Variants in INPP5F observed in about 807,000 individuals in gnomAD.
INPP5F encodes phosphatidylinositide 4-phosphatase SAC2.
INPP5F carries 97 observed loss-of-function variants against 137.2 expected under a neutral mutation model. The ratio of observed to expected loss-of-function variants is 0.71; its 90% CI spans 0.60 to 0.84. The LOEUF (loss-of-function observed/expected upper bound fraction) is 0.84, where lower values mean the gene tolerates loss of function less well. INPP5F is among the 40% of genes least tolerant of loss of function. The pLI is 0.00. For synonymous variants in INPP5F, 504 were observed against 476.9 expected (o/e 1.06, Z -0.74); for missense variants, 1,271 against 1,371.9 (o/e 0.93, Z 1.16).
chr10:119,788,921 T>G (rs998013788), intron 3 of INPP5F, among the ~76,000 whole-genome samples: 1 of 152,132 alleles, frequency 6.6e-6, no homozygotes, highest in African/African-American at 2.4e-5. Flanking sequence ...CTGGCTTGAG[T>G]GCTCTTAAAG....
At chr10:119,783,989 G>A (rs1019352784) in intron 3 of INPP5F, among the ~76,000 whole-genome samples, 2 of 152,148 alleles carry the variant, frequency 1.3e-5, no homozygotes, top group Admixed American at 1.3e-4. Context: ...TAAAATTTTA[G>A]AAATTTACAC....
rs148337309 is a variant in INPP5F at position 119,805,871 on chromosome 10, G to A, written c.1319+410G>A. Reference sequence around the variant, plus strand: ...TTCTGAGTACAGGAGGTTTAAATTGGCTTAAAGGACAGAAGAGAACATTTG... The same window carrying A: ...TTCTGAGTACAGGAGGTTTAAATTGACTTAAAGGACAGAAGAGAACATTTG... On this transcript the variant is annotated intron_variant, in intron 11 of 19. Coordinates refer to ENST00000650623, the MANE Select transcript of INPP5F (RefSeq NM_014937.4). 5.0e-3 allele frequency among the ~76,000 whole-genome samples: 760 copies of A among 152,278 alleles called. 3 individuals are homozygous for A. Among genetic ancestry groups the A allele is most frequent in the Non-Finnish European group, 8.2e-3 (559 of 68,026 alleles).
Position 119,804,182 on chromosome 10 carries a change from A to AT in INPP5F, c.1126_1127insT (p.Asn376IlefsTer34). 6.2e-7 allele frequency: 1 copy of AT among 1,606,834 alleles called. No individual in the cohort carries two copies. Among genetic ancestry groups the AT allele is most frequent in the Non-Finnish European group, 8.5e-7 (1 of 1,175,876 alleles). On this transcript the variant is annotated frameshift_variant, in exon 10 of 20. Coordinates refer to ENST00000650623, the MANE Select transcript of INPP5F (RefSeq NM_014937.4). LOFTEE classifies it high-confidence loss of function. The stretch of plus-strand genomic sequence containing the variant: ...TTCTTTGCTCTTATAGGTTATTATT[A>AT]ACTTGGTAGACCAGGCAGGAAGAGA...
intron 1 of INPP5F, among the ~76,000 whole-genome samples, chr10:119,732,425 A>G (rs981628261): frequency 6.6e-6 from 1 of 151,712 alleles, no homozygotes; most frequent in East Asian, 1.9e-4. Flanking sequence ...TTTGTTGTCT[A>G]CATCATCACC....
intron 1 of INPP5F, 29 bp from the exon 2 acceptor site, chr10:119,751,047 T>A (rs768382037): frequency 2.2e-6 from 3 of 1,376,050 alleles, no homozygotes; most frequent in Middle Eastern, 1.8e-4. Flanking sequence ...GTGAATGTTT[T>A]CTCATCACTG....
chr10:119,823,954 T>C (rs61867953), intron 19 of INPP5F, 52 bp downstream of exon 19: 181 of 1,344,228 alleles, frequency 1.3e-4, no homozygotes, highest in Non-Finnish European at 1.8e-4. Flanking sequence ...CAAGGTCTTA[T>C]TTGTTTAAAA....
intron 2 of INPP5F, among the ~76,000 whole-genome samples, chr10:119,781,146 T>C (rs1233008974): frequency 6.6e-6 from 1 of 152,274 alleles, no homozygotes; most frequent in Admixed American, 6.5e-5. Flanking sequence ...CCAGTGTTTA[T>C]TGTAATTATA....
In INPP5F at chr10:119,798,536, T is replaced by G; in HGVS notation, c.1049-7T>G. 1 of 1,606,892 alleles carries G rather than the reference T, an allele frequency of 6.2e-7. No homozygotes were observed. On this transcript the variant is annotated splice_polypyrimidine_tract_variant and splice_region_variant and intron_variant, in intron 8 of 19. Transcript: ENST00000650623. Reference sequence around the variant, plus strand: ...GGAAAAAAAGATTTTGTATCACTTCTTTGTAGGTGAAAAGGAAACTGTTGC... The same window carrying G: ...GGAAAAAAAGATTTTGTATCACTTCGTTGTAGGTGAAAAGGAAACTGTTGC...
chr10:119,791,643 A>G lies in INPP5F; in HGVS notation c.442A>G (p.Lys148Glu). Residue 148 changes from lysine to glutamate, a missense_variant and splice_region_variant, in exon 4 of 20, where the codon AAA becomes GAA. Physicochemically the swap from Lys to Glu is moderately conservative, Grantham distance 56. This residue lies in a region of INPP5F where 62 missense variants were observed against 55.0 expected (regional missense o/e 1.13). Coordinates refer to ENST00000650623, the MANE Select transcript of INPP5F (RefSeq NM_014937.4). Reference protein sequence around the residue: ...KSNVSAPNKKKVKESKEKEKL... With the variant: ...KSNVSAPNKKEVKESKEKEKL... Reference sequence around the variant, plus strand: ...CAATGTGTCTGCTCCTAATAAAAAGAAAGTAAGAGTTTAATTGATATAGGC... The same window carrying G: ...CAATGTGTCTGCTCCTAATAAAAAGGAAGTAAGAGTTTAATTGATATAGGC... The G allele has an allele frequency of 6.2e-7, 1 of 1,601,272 alleles. No homozygotes were observed. Among genetic ancestry groups the G allele is most frequent in the Non-Finnish European group, 8.5e-7 (1 of 1,170,664 alleles).
intron 8 of INPP5F, among the ~76,000 whole-genome samples, 161 bp from the exon 9 acceptor site, chr10:119,798,382 G>C (rs543049904): frequency 6.6e-6 from 1 of 152,160 alleles, no homozygotes; most frequent in African/African-American, 2.4e-5. Context: ...AAAAAAATCA[G>C]ATCTTTGACT....
intron 8 of INPP5F, 65 bp downstream of exon 8, chr10:119,797,705 G>A (rs1016833016): frequency 7.9e-7 from 1 of 1,269,236 alleles, no homozygotes; most frequent in African/African-American, 1.5e-5. Context: ...TAAGAAATTA[G>A]TTACCTGTTA....
At chr10:119,726,683 G>A (rs1318167157) in intron 1 of INPP5F, among the ~76,000 whole-genome samples, 1 of 152,222 alleles carries the variant, frequency 6.6e-6, no homozygotes, top group African/African-American at 2.4e-5. Flanking sequence ...TTCCAGCAAG[G>A]TGCACCTGGC....
Position 119,827,192 on chromosome 10 carries a change from G to A in INPP5F, c.2811G>A (p.Leu937=). 1 of 1,614,048 alleles carries A rather than the reference G, an allele frequency of 6.2e-7. No individual in the cohort carries two copies. Among genetic ancestry groups the A allele is most frequent in the African/African-American group, 1.3e-5 (1 of 75,048 alleles). The change falls in exon 20 of 20, where the codon TTG becomes TTA. Residue 937 remains leucine, a synonymous_variant. Coordinates refer to ENST00000650623, the MANE Select transcript of INPP5F (RefSeq NM_014937.4). ...SGLGKGQESP[L]KKSPSAGDVH... The stretch of plus-strand genomic sequence containing the variant: ...TTGGAAAAGGCCAGGAGTCTCCTTT[G>A]AAGAAAAGTCCTTCTGCTGGCGACG...
chr10:119,806,216 G>A lies in INPP5F; in HGVS notation c.1320-144G>A. The A allele has an allele frequency of 6.3e-6, 3 of 476,332 alleles. No homozygotes were observed. The South Asian group carries it at 1.3e-4, about 21-fold the overall frequency. The allele number at this position is 476,332 out of a possible 1,614,324, so 29.5% of individuals were successfully genotyped here. ...TAAATTAACAATGATGTCTATAAAT[G>A]ACTCAATAATGCATAGCATATAAAG... On this transcript the variant is annotated intron_variant, in intron 11 of 19. Transcript: ENST00000650623.
intron 19 of INPP5F, among the ~76,000 whole-genome samples, chr10:119,824,771 A>G (rs1255957226): frequency 6.6e-6 from 1 of 152,062 alleles, no homozygotes; most frequent in African/African-American, 2.4e-5. Context: ...TCATTTTTCT[A>G]ATTTTCATTC....
intron 11 of INPP5F, among the ~76,000 whole-genome samples, chr10:119,805,916 C>T (rs529643479): frequency 1.3e-5 from 2 of 152,282 alleles, no homozygotes; most frequent in African/African-American, 4.8e-5. Context: ...TAAGACTACA[C>T]GGGTGGCCAG....
Position 119,726,066 on chromosome 10 carries a change from C to CGCCGCT in INPP5F, c.-191_-186dup, listed in dbSNP as rs1232330781. 3 of 366,794 alleles carry CGCCGCT rather than the reference C, an allele frequency of 8.2e-6. No individual in the cohort carries two copies. Among genetic ancestry groups the CGCCGCT allele is most frequent in the Non-Finnish European group, 1.5e-5 (3 of 206,806 alleles). The allele number at this position is 366,794 out of a possible 1,614,324, so 22.7% of individuals were successfully genotyped here. On this transcript the variant is annotated 5_prime_UTR_variant, in exon 1 of 20. Transcript: ENST00000650623. ...AGCGGGGGGGAGAGGCCTCTACGGC[C>CGCCGCT]GCCGCTGCCGCCGCCGCTGCCGGGG...
At chr10:119,820,591 A>ACTCCTTC (rs1851517290) in intron 15 of INPP5F, among the ~76,000 whole-genome samples, 1 of 151,284 alleles carries the variant, frequency 6.6e-6, no homozygotes, top group Non-Finnish European at 1.5e-5. Flanking sequence ...TTCCTGAGGG[A>ACTCCTTC]CTCCTTCCTC....
At chr10:119,812,656 T>C (rs558773006) in intron 15 of INPP5F, among the ~76,000 whole-genome samples, 2 of 152,338 alleles carry the variant, frequency 1.3e-5, no homozygotes, top group South Asian at 4.1e-4. Context: ...AGTATTTATG[T>C]ATTAAAAGGA....
Sources: allele counts gnomAD v4.1 joint callset (sites outside exome capture counted in the v4.1 genomes callset), GRCh38; gene constraint gnomAD v4.1.1; regional missense constraint gnomAD v4.1.1; transcripts MANE v1.5; gene names NCBI Gene and HGNC (gene_info 2026-07-23, HGNC 2026-07-21).